FOXN1: variants seen among roughly 807,000 people sequenced by gnomAD.
FOXN1 encodes the protein forkhead box protein N1.
FOXN1 carries 15 observed loss-of-function variants against 49.0 expected under a neutral mutation model. The observed-to-expected ratio is 0.31, with a 90% CI of 0.20 to 0.47. FOXN1 has a LOEUF of 0.47. Ranked by LOEUF, FOXN1 falls within the 20% of genes least tolerant of loss-of-function variation. FOXN1 has a pLI of 1.00. For synonymous variants in FOXN1, 356 were observed against 369.0 expected (o/e 0.96, Z 0.40); for missense variants, 800 against 842.8 (o/e 0.95, Z 0.63).
intron 5 of FOXN1, 21 bp from the exon 6 acceptor site, chr17:28,530,728 A>T: frequency 6.8e-7 from 1 of 1,463,362 alleles, no homozygotes; most frequent in Non-Finnish European, 9.6e-7. Flanking sequence ...TCGGACTCTC[A>T]GGGGCTTTCT....
At chr17:28,527,153 A>C (rs2069789486) in intron 3 of FOXN1, 98 bp from the exon 4 acceptor site, 1 of 777,592 alleles carries the variant, frequency 1.3e-6, no homozygotes, top group Non-Finnish European at 2.3e-6. Context: ...CTTTGGGGGA[A>C]GCAGAATAGG....
chr17:28,513,544 G>C (rs2069435553), intron 1 of FOXN1, among the ~76,000 whole-genome samples: 1 of 152,176 alleles, frequency 6.6e-6, no homozygotes, highest in African/African-American at 2.4e-5. Context: ...CATCCATCCA[G>C]AGAGGTCAGG....
At chr17:28,521,691 G>A (rs2069645210) in intron 1 of FOXN1, among the ~76,000 whole-genome samples, 1 of 152,236 alleles carries the variant, frequency 6.6e-6, no homozygotes, top group South Asian at 2.1e-4. Context: ...CCCCCACCTA[G>A]ACCCCGGCTT....
chr17:28,516,401 A>G (rs538528494), intron 1 of FOXN1, among the ~76,000 whole-genome samples: 2 of 151,676 alleles, frequency 1.3e-5, no homozygotes, highest in African/African-American at 4.8e-5. Context: ...CACAGGATCC[A>G]TACCATCACG....
At chr17:28,516,652 G>C (rs967154350) in intron 1 of FOXN1, among the ~76,000 whole-genome samples, 2 of 141,010 alleles carry the variant, frequency 1.4e-5, no homozygotes, top group Admixed American at 1.4e-4. Context: ...CCTCCACTGG[G>C]TACACACCTC....
At chr17:28,531,552 T>A (rs1358680134) in intron 6 of FOXN1, among the ~76,000 whole-genome samples, 3 of 152,154 alleles carry the variant, frequency 2.0e-5, no homozygotes, top group Non-Finnish European at 4.4e-5. Context: ...GGTCGCACAG[T>A]AGATGGGATC....
rs2070117231 is a variant in FOXN1 at position 28,538,164 on chromosome 17, C to G, written c.*728C>G. The stretch of plus-strand genomic sequence containing the variant: ...TGACATACAGAAGGGGCAACATCTA[C>G]CCGGGCACCAAACTGAGCCCAATTC... On this transcript the variant is annotated 3_prime_UTR_variant, in exon 9 of 9. Coordinates refer to ENST00000579795, the MANE Select transcript of FOXN1 (RefSeq NM_001369369.1). 6.6e-6 allele frequency: 1 copy of G among 152,210 alleles called. No individual in the cohort carries two copies. Among genetic ancestry groups the G allele is most frequent in the African/African-American group, 2.4e-5 (1 of 41,388 alleles). 9.4% of individuals were successfully genotyped at this position (152,210 alleles called of 1,614,324 possible).
chr17:28,528,220 G>A (rs1328301041), intron 4 of FOXN1, among the ~76,000 whole-genome samples: 1 of 152,216 alleles, frequency 6.6e-6, no homozygotes, highest in Non-Finnish European at 1.5e-5. Flanking sequence ...ATAGAGGGAA[G>A]CAAAGAGAAG....
In FOXN1 at chr17:28,537,467, T is replaced by C; in HGVS notation, c.*31T>C. 1 of 1,570,314 alleles carries C rather than the reference T, an allele frequency of 6.4e-7. No individual in the cohort carries two copies. Among genetic ancestry groups the C allele is most frequent in the Non-Finnish European group, 8.8e-7 (1 of 1,141,042 alleles). ...GCCCAGCTTCGTCAGCTCCAGCGTT[T>C]GCCTGGTCTGGAAGTCCTGGCCGGC... is the stretch of plus-strand genomic sequence containing the variant. On this transcript the variant is annotated 3_prime_UTR_variant, in exon 9 of 9. Coordinates refer to ENST00000579795, the MANE Select transcript of FOXN1 (RefSeq NM_001369369.1).
chr17:28,514,546 C>A (rs1238717369), intron 1 of FOXN1, among the ~76,000 whole-genome samples: 1 of 152,138 alleles, frequency 6.6e-6, no homozygotes, highest in African/African-American at 2.4e-5. Flanking sequence ...CCAGGTCCTT[C>A]CCTGCCACCC....
chr17:28,537,380 C>T lies in FOXN1; in HGVS notation c.1891C>T (p.Pro631Ser). 6.2e-7 allele frequency: 1 copy of T among 1,613,108 alleles called. No homozygotes were observed. Among genetic ancestry groups the T allele is most frequent in the Non-Finnish European group, 8.5e-7 (1 of 1,179,618 alleles). The part of the protein sequence containing the change: ...MELEPTPPTA[P>S]AGPSVYLSPS... ...GCTGGAGCCCACGCCCCCCACGGCC[C>T]CTGCAGGCCCCTCTGTGTACCTCAG... The change falls in exon 9 of 9, where the codon CCT becomes TCT. Residue 631 changes from proline (P) to serine (S), a missense_variant. Physicochemically the swap from Pro to Ser is moderately conservative, Grantham distance 74. Around this residue, in one of 3 missense-constraint regions of FOXN1, gnomAD observed 344 missense variants for 366.1 expected, o/e 0.94. Transcript: ENST00000579795.
rs2070087389 is a variant in FOXN1, at chr17:28,537,152, G to A, written c.1663G>A (p.Ala555Thr). 1 of 1,614,002 alleles carries A rather than the reference G, an allele frequency of 6.2e-7. No homozygotes were observed. ...GGAACAGTTGAAGGATGATAGCTTG[G>A]CCCTCGACCCCCTGGTACTGGTGAC... is the stretch of plus-strand genomic sequence containing the variant. ...LWEQLKDDSL[A>T]LDPLVLVTSS... Residue 555 changes from alanine (A) to threonine (T), a missense_variant, in exon 9 of 9, where the codon GCC becomes ACC. Ala to Thr is a moderately conservative substitution (Grantham distance 58). Around this residue, in one of 3 missense-constraint regions of FOXN1, gnomAD observed 344 missense variants for 366.1 expected, o/e 0.94. Coordinates refer to ENST00000579795, the MANE Select transcript of FOXN1 (RefSeq NM_001369369.1).
At chr17:28,519,651 T>C (rs550957894) in intron 1 of FOXN1, among the ~76,000 whole-genome samples, 13 of 152,278 alleles carry the variant, frequency 8.5e-5, no homozygotes, top group Non-Finnish European at 8.8e-5. Context: ...GAAAGATCCC[T>C]TCTGAATGCA....
chr17:28,514,646 C>T (rs1362579741), intron 1 of FOXN1, among the ~76,000 whole-genome samples: 1 of 152,106 alleles, frequency 6.6e-6, no homozygotes, highest in African/African-American at 2.4e-5. Context: ...CCCGGCCGGC[C>T]GAGCCCCACC....
rs1597551369 is a variant in FOXN1, at chr17:28,524,672, A to T, written c.293A>T (p.Lys98Met). The T allele has an allele frequency of 1.2e-6, 2 of 1,613,440 alleles. No individual in the cohort carries two copies. The highest frequency in any genetic ancestry group is 2.2e-5 in the South Asian group (2 of 91,074). The change falls in exon 3 of 9, where the codon AAG becomes ATG. Residue 98 changes from lysine to methionine, a missense_variant. By Grantham distance (95) the Lys-to-Met change is moderately conservative (BLOSUM62 -1). Coordinates refer to ENST00000579795, the MANE Select transcript of FOXN1 (RefSeq NM_001369369.1). ...CCCTTCAGGCTCTCACCCTCAGACA[A>T]GTATCCTGGCTTTGGCTTTGAGGAG... is the stretch of plus-strand genomic sequence containing the variant. ...PGPFRLSPSD[K>M]YPGFGFEEAA...
In FOXN1 at chr17:28,523,792, T is replaced by TTCTCTCTCTCTCTCTC. The variant is rs10527420; in HGVS notation, c.-14-139_-14-124dup. 1.6e-4 allele frequency: 107 copies of TTCTCTCTCTCTCTCTC among 650,458 alleles called. 2 individuals are homozygous for TTCTCTCTCTCTCTCTC. Among genetic ancestry groups the TTCTCTCTCTCTCTCTC allele is most frequent in the African/African-American group, 1.2e-3 (61 of 51,772 alleles). The allele number at this position is 650,458 out of a possible 1,614,324, so 40.3% of individuals were successfully genotyped here. On this transcript the variant is annotated intron_variant, in intron 1 of 8. Transcript: ENST00000579795. Reference sequence around the variant, plus strand: ...TCTCTTTCTCTCTCTCGCTCTCTGGTTCTCTCTCTCTCTCTCTCTCTCTCT... The same window carrying TTCTCTCTCTCTCTCTC: ...TCTCTTTCTCTCTCTCGCTCTCTGGTTCTCTCTCTCTCTCTCTCTCTCTCTCTCTCTCTCTCTCTCT...
At chr17:28,530,872 A>G (rs1480592717) in intron 6 of FOXN1, 27 bp downstream of exon 6, 3 of 1,279,386 alleles carry the variant, frequency 2.3e-6, no homozygotes, top group Admixed American at 3.4e-5. Flanking sequence ...TCCCCATCCC[A>G]TCACCCCCAA....
Position 28,506,915 on chromosome 17 carries a change from C to T in FOXN1, c.-15+472C>T, listed in dbSNP as rs115582806. On this transcript the variant is annotated intron_variant, in intron 1 of 8. Transcript: ENST00000579795. ...AGGGTGTGTGCAGATCAAGGAATTGCTCAACATCTCCACGCAGCCTGGGCT... is the reference window on the plus strand; with the variant it reads ...AGGGTGTGTGCAGATCAAGGAATTGTTCAACATCTCCACGCAGCCTGGGCT... Among the ~76,000 whole-genome samples the T allele has an allele frequency of 5.2e-3, 795 of 152,300 alleles. 3 individuals are homozygous for T. The highest frequency in any genetic ancestry group is 0.018 in the African/African-American group (751 of 41,560).
At chr17:28,517,913 G>A (rs1481446791) in intron 1 of FOXN1, among the ~76,000 whole-genome samples, 1 of 145,548 alleles carries the variant, frequency 6.9e-6, no homozygotes, top group Non-Finnish European at 1.5e-5. Flanking sequence ...ACCTCCACAG[G>A]GTACACACCT....
Sources: allele counts gnomAD v4.1 joint callset (sites outside exome capture counted in the v4.1 genomes callset), GRCh38; gene constraint gnomAD v4.1.1; regional missense constraint gnomAD v4.1.1; transcripts MANE v1.5; gene names NCBI Gene and HGNC (gene_info 2026-07-23, HGNC 2026-07-21).